CASK: variants seen among roughly 807,000 people sequenced by gnomAD.
CASK encodes calcium/calmodulin dependent serine protein kinase.
In CASK, 4 loss-of-function variants were observed where a neutral mutation model predicts 82.9. That is an observed-to-expected ratio of 0.05 (90% CI 0.02 to 0.11). The LOEUF (loss-of-function observed/expected upper bound fraction) is 0.11. CASK is among the 10% of genes least tolerant of loss of function. CASK has a pLI of 1.00. For missense variants in CASK, 358 were observed against 720.9 expected (o/e 0.50, Z 5.76); for synonymous variants, 259 against 253.5 (o/e 1.02, Z -0.20).
chrX:41,632,392 T>C (rs1350155272), intron 9 of CASK, among the ~76,000 whole-genome samples: 1 of 111,599 alleles, frequency 9.0e-6, no homozygotes, highest in Non-Finnish European at 1.9e-5. Flanking sequence ...GTGCTGCTTA[T>C]GTATAAGCAT....
intron 14 of CASK, among the ~76,000 whole-genome samples, chrX:41,579,585 A>G (rs1413937150): frequency 8.9e-6 from 1 of 112,169 alleles, no homozygotes; most frequent in Non-Finnish European, 1.9e-5. Context: ...TCTATTTCAA[A>G]GAGAATCTAC....
rs370630485 is a variant in CASK at position 41,830,713 on chromosome X, A to C, written c.172+22402T>G. Reference sequence around the variant, plus strand: ...CGGGTGCCTGTAGTCCCAGCTACTCAGGAGGCTGAGGCAGGAGTATGGCGT... The same window carrying C: ...CGGGTGCCTGTAGTCCCAGCTACTCCGGAGGCTGAGGCAGGAGTATGGCGT... On this transcript the variant is annotated intron_variant, in intron 2 of 26. Transcript: ENST00000378163. 4.7e-5 allele frequency among the ~76,000 whole-genome samples: 5 copies of C among 105,667 alleles called. 1 individual carries two copies. The highest frequency in any genetic ancestry group is 3.1e-4 in the East Asian group (1 of 3,213). The allele number at this position is 105,667 out of a possible 115,157, so 91.8% of individuals were successfully genotyped here. A position where few individuals can be genotyped will look rare whatever the true frequency, so the allele number is the denominator to read the frequency against.
At chrX:41,529,557 C>G (rs2064768268) in intron 25 of CASK, 1 of 113,192 alleles carries the variant, frequency 8.8e-6, no homozygotes, top group Non-Finnish European at 1.9e-5. Context: ...AGGTGAAGAC[C>G]AGTGTGGAAC....
intron 10 of CASK, among the ~76,000 whole-genome samples, chrX:41,623,826 A>G (rs1362686796): frequency 9.0e-6 from 1 of 111,298 alleles, no homozygotes; most frequent in Non-Finnish European, 1.9e-5. Flanking sequence ...CTCCTGCCTC[A>G]GCCTCCCTAG....
intron 3 of CASK, among the ~76,000 whole-genome samples, chrX:41,754,825 T>C (rs765957188): frequency 9.2e-6 from 1 of 109,240 alleles, no homozygotes; most frequent in East Asian, 2.8e-4. Context: ...ACTGAATCAG[T>C]AATTTAATCT....
At chrX:41,767,652 G>A (rs1313976384) in intron 3 of CASK, among the ~76,000 whole-genome samples, 1 of 111,488 alleles carries the variant, frequency 9.0e-6, no homozygotes, top group Non-Finnish European at 1.9e-5. Flanking sequence ...TGTTTTTCAT[G>A]ACCTTGATAG....
At chrX:41,699,822 A>T (rs2067758865) in intron 5 of CASK, among the ~76,000 whole-genome samples, 1 of 111,418 alleles carries the variant, frequency 9.0e-6, no homozygotes, top group Non-Finnish European at 1.9e-5. Flanking sequence ...TTGAATCCTG[A>T]GAAGGTTTCT....
chrX:41,597,749 AT>A (rs904584965), intron 12 of CASK, among the ~76,000 whole-genome samples: 1 of 112,266 alleles, frequency 8.9e-6, no homozygotes, highest in Admixed American at 9.4e-5. Flanking sequence ...GAGAACTGAT[AT>A]TCAATTACTG....
At chrX:41,880,815 C>A (rs1334884189) in intron 1 of CASK, among the ~76,000 whole-genome samples, 1 of 111,732 alleles carries the variant, frequency 8.9e-6, no homozygotes, top group Non-Finnish European at 1.9e-5. Context: ...AATCCTTACA[C>A]TTTATTTAAC....
intron 2 of CASK, among the ~76,000 whole-genome samples, chrX:41,815,066 G>A (rs1209434080): frequency 9.0e-6 from 1 of 111,178 alleles, no homozygotes; most frequent in Non-Finnish European, 1.9e-5. Flanking sequence ...TGGGGAGGAT[G>A]AGGGAGATGG....
intron 5 of CASK, among the ~76,000 whole-genome samples, chrX:41,686,194 A>T (rs2067436714): frequency 1.8e-5 from 2 of 110,403 alleles, no homozygotes; most frequent in Admixed American, 1.9e-4. Flanking sequence ...GGTTCAAGCG[A>T]TTCTCCTGCC....
intron 5 of CASK, chrX:41,696,015 A>C: frequency 8.3e-7 from 1 of 1,210,785 alleles, no homozygotes; most frequent in Non-Finnish European, 1.1e-6. Context: ...GATTCTGTGC[A>C]AGGTTGTGGG....
chrX:41,914,870 A>G (rs1008091522), intron 1 of CASK, among the ~76,000 whole-genome samples: 1 of 112,179 alleles, frequency 8.9e-6, no homozygotes, highest in Non-Finnish European at 1.9e-5. Flanking sequence ...TGGTTCTGAG[A>G]TAGATTTACA....
intron 12 of CASK, among the ~76,000 whole-genome samples, chrX:41,601,345 A>G (rs1306249228): frequency 2.7e-5 from 3 of 112,057 alleles, no homozygotes; most frequent in Non-Finnish European, 5.6e-5. Context: ...GAAATGGCAA[A>G]TATGTACTTG....
At chrX:41,596,068 G>A (rs2065815692) in intron 12 of CASK, among the ~76,000 whole-genome samples, 1 of 109,712 alleles carries the variant, frequency 9.1e-6, no homozygotes, top group Non-Finnish European at 1.9e-5. Flanking sequence ...GGTGGTGCAT[G>A]CCTGTAGTCC....
intron 19 of CASK, chrX:41,555,869 C>T (rs760344364): frequency 3.1e-6 from 1 of 320,047 alleles, no homozygotes; most frequent in South Asian, 6.0e-5. Context: ...AAAATGTGTT[C>T]TTAAGAAACA....
intron 2 of CASK, among the ~76,000 whole-genome samples, chrX:41,837,665 A>G (rs1044836810): frequency 1.8e-5 from 2 of 112,507 alleles, no homozygotes; most frequent in African/African-American, 6.5e-5. Flanking sequence ...TGCATGCATC[A>G]GTAGATTTTT....
chrX:41,814,552 G>T (rs998503830), intron 2 of CASK, among the ~76,000 whole-genome samples: 2 of 103,059 alleles, frequency 1.9e-5, no homozygotes, highest in African/African-American at 7.2e-5. Context: ...GAAAACACTT[G>T]GACACAGGGT....
intron 1 of CASK, among the ~76,000 whole-genome samples, chrX:41,906,732 C>T (rs754209964): frequency 2.8e-4 from 32 of 112,765 alleles, no homozygotes; most frequent in Admixed American, 4.7e-4. Flanking sequence ...CCGCTGACCC[C>T]TATTTCAGGT....
Sources: gnomAD v4.1 joint callset for allele counts (sites outside exome capture counted in the v4.1 genomes callset) on GRCh38, gnomAD v4.1.1 for gene constraint, MANE v1.5 for transcripts, NCBI Gene and HGNC (gene_info 2026-07-23, HGNC 2026-07-21) for gene names.